The following CDC14A variants were observed in gnomAD, a reference collection of about 807,000 sequenced individuals.
CDC14A encodes dual specificity protein phosphatase CDC14A.
CDC14A carries 53 observed loss-of-function variants against 74.4 expected under a neutral mutation model. That is an observed-to-expected ratio of 0.71 (90% confidence interval 0.57 to 0.89). CDC14A has a LOEUF of 0.89. CDC14A is among the 40% of genes least tolerant of loss of function. The pLI is 0.00. For synonymous variants in CDC14A, 247 were observed against 258.4 expected (o/e 0.96, Z 0.43); for missense variants, 646 against 713.7 (o/e 0.91, Z 1.08).
intron 5 of CDC14A, among the ~76,000 whole-genome samples, chr1:100,432,491 G>T (rs1438695299): frequency 6.6e-6 from 1 of 152,130 alleles, no homozygotes; most frequent in African/African-American, 2.4e-5. Flanking sequence ...ATACATATTG[G>T]ATTTCAAAGA....
rs1299292796 is a variant in CDC14A, at chr1:100,363,906, A to T, written c.140+10054A>T. On this transcript the variant is annotated intron_variant, in intron 2 of 15. Coordinates refer to ENST00000336454, the MANE Select transcript of CDC14A (RefSeq NM_003672.4). ...CATAGTGGCTCACGCTTCTAATTCCACGCTTTGGGAGGCCAAGGTGGGCAG... is the reference window on the plus strand; with the variant it reads ...CATAGTGGCTCACGCTTCTAATTCCTCGCTTTGGGAGGCCAAGGTGGGCAG... Among the ~76,000 whole-genome samples, 6 of 152,322 alleles carry T rather than the reference A, an allele frequency of 3.9e-5. No individual in the cohort carries two copies. In the East Asian group the frequency reaches 5.8e-4, roughly 15 times the overall value.
intron 4 of CDC14A, among the ~76,000 whole-genome samples, chr1:100,410,763 T>C (rs1444276574): frequency 6.6e-6 from 1 of 152,242 alleles, no homozygotes; most frequent in Non-Finnish European, 1.5e-5. Context: ...GTTGTTAAGA[T>C]CCTTTTATTA....
At chr1:100,426,235 C>G (rs930817920) in intron 5 of CDC14A, among the ~76,000 whole-genome samples, 1 of 152,078 alleles carries the variant, frequency 6.6e-6, no homozygotes, top group Non-Finnish European at 1.5e-5. Flanking sequence ...GCTTCAGCCC[C>G]CTGAATAGCT....
At chr1:100,449,778 G>C (rs1043702339) in intron 7 of CDC14A, among the ~76,000 whole-genome samples, 4 of 152,150 alleles carry the variant, frequency 2.6e-5, no homozygotes, top group Admixed American at 2.6e-4. Flanking sequence ...GTCATTATTT[G>C]TGGAATGAAA....
At chr1:100,363,614 C>CTT (rs35415515) in intron 2 of CDC14A, among the ~76,000 whole-genome samples, 136 of 141,774 alleles carry the variant, frequency 9.6e-4, no homozygotes, top group African/African-American at 3.0e-3. Flanking sequence ...TTAGACTTCT[C>CTT]TTTTTTTTTT....
chr1:100,407,638 C>T (rs905356018), intron 4 of CDC14A, among the ~76,000 whole-genome samples: 23 of 152,250 alleles, frequency 1.5e-4, no homozygotes, highest in Non-Finnish European at 3.1e-4. Flanking sequence ...AGGATCATGT[C>T]ATCTGCAAAC....
upstream of CDC14A, among the ~76,000 whole-genome samples, chr1:100,348,065 C>T (rs147825275): frequency 3.2e-3 from 487 of 152,120 alleles, 5 homozygotes; most frequent in African/African-American, 0.011. Context: ...GGGCGGATCA[C>T]GAGGTCAAGA....
chr1:100,420,250 G>A (rs1420258250), intron 4 of CDC14A, among the ~76,000 whole-genome samples: 1 of 146,266 alleles, frequency 6.8e-6, no homozygotes, highest in Non-Finnish European at 1.5e-5. Context: ...GAGTCTGGTT[G>A]AGACTTCTCT....
chr1:100,457,105 G>A (rs1571237785), intron 8 of CDC14A, among the ~76,000 whole-genome samples: 1 of 152,178 alleles, frequency 6.6e-6, no homozygotes, highest in Non-Finnish European at 1.5e-5. Context: ...TTCAGTAGTA[G>A]TTTTGTTGTT....
intron 5 of CDC14A, among the ~76,000 whole-genome samples, chr1:100,437,135 A>G (rs549417432): frequency 1.3e-5 from 2 of 152,298 alleles, no homozygotes; most frequent in African/African-American, 4.8e-5. Flanking sequence ...GCAGTGAGCC[A>G]AGATCATACC....
chr1:100,437,892 TA>T (rs1015429248), intron 5 of CDC14A, among the ~76,000 whole-genome samples: 2 of 152,064 alleles, frequency 1.3e-5, no homozygotes, highest in Non-Finnish European at 2.9e-5. Context: ...TTTTTAAATA[TA>T]AAGAAATTTT....
chr1:100,352,013 C>T (rs1409093736), upstream of CDC14A, among the ~76,000 whole-genome samples: 1 of 151,268 alleles, frequency 6.6e-6, no homozygotes, highest in Admixed American at 6.6e-5. Flanking sequence ...TGCGCGCGCG[C>T]GCGCCCTACA....
At chr1:100,370,344 A>G (rs920222623) in intron 2 of CDC14A, among the ~76,000 whole-genome samples, 1 of 150,308 alleles carries the variant, frequency 6.7e-6, no homozygotes, top group African/African-American at 2.4e-5. Context: ...CTAGTCTCAA[A>G]CTCCTGAGCT....
chr1:100,387,943 A>G (rs113578469), intron 3 of CDC14A, among the ~76,000 whole-genome samples: 18 of 152,366 alleles, frequency 1.2e-4, no homozygotes, highest in African/African-American at 4.1e-4. Flanking sequence ...CCTTTCAGCA[A>G]GTAGATTTGT....
At position 100,497,820 on chromosome 1, in the gene CDC14A, T is replaced by C. The variant is rs58882984; in HGVS notation, c.1299-265T>C. ...GAGGAACTTTTCCTCTGTGTTTTTGTTTCCTCACTTGTAAAGTAAGGACAG... is the reference window on the plus strand; with the variant it reads ...GAGGAACTTTTCCTCTGTGTTTTTGCTTCCTCACTTGTAAAGTAAGGACAG... On this transcript the variant is annotated intron_variant, in intron 13 of 15. Coordinates refer to ENST00000336454, the MANE Select transcript of CDC14A (RefSeq NM_003672.4). Among the ~76,000 whole-genome samples the C allele has an allele frequency of 0.082, 12,482 of 152,206 alleles. 1,740 individuals carry two copies. Among genetic ancestry groups the C allele is most frequent in the African/African-American group, 0.29 (11,830 of 41,444 alleles).
intron 1 of CDC14A, 63 bp from the exon 2 acceptor site, chr1:100,353,699 C>T: frequency 1.2e-6 from 1 of 811,290 alleles, no homozygotes; most frequent in Admixed American, 2.2e-5. Context: ...TGTTACCACC[C>T]ACCTTCACTT....
intron 9 of CDC14A, among the ~76,000 whole-genome samples, chr1:100,463,146 G>A (rs1211008897): frequency 6.6e-6 from 1 of 152,164 alleles, no homozygotes; most frequent in Non-Finnish European, 1.5e-5. Context: ...ACAATGAGGG[G>A]AAACACAGTA....
At chr1:100,393,866 C>T (rs566180173) in intron 4 of CDC14A, 149 of 248,008 alleles carry the variant, frequency 6.0e-4, no homozygotes, top group African/African-American at 3.0e-3. Context: ...TCGCTTGAAC[C>T]CAGGAGTGGG....
chr1:100,436,233 G>T (rs149210646), intron 5 of CDC14A, among the ~76,000 whole-genome samples: 2 of 152,238 alleles, frequency 1.3e-5, no homozygotes, highest in South Asian at 4.1e-4. Context: ...AGATGGTCCC[G>T]ACTATATTGG....
Sources: allele counts gnomAD v4.1 joint callset (sites outside exome capture counted in the v4.1 genomes callset), GRCh38; gene constraint gnomAD v4.1.1; transcripts MANE v1.5; gene names NCBI Gene and HGNC (gene_info 2026-07-23, HGNC 2026-07-21).